DNAI4: variants seen among roughly 807,000 people sequenced by gnomAD.
DNAI4 encodes the protein dynein axonemal intermediate chain 4, also known as WD repeat domain 78.
In DNAI4, 85 loss-of-function variants were observed where a neutral mutation model predicts 105.8. The observed-to-expected ratio is 0.80, with a 90% CI of 0.67 to 0.96. DNAI4 has a LOEUF of 0.96. Ranked by LOEUF, DNAI4 falls within the 40% of genes least tolerant of loss-of-function variation. The pLI is 0.00. For synonymous variants in DNAI4, 352 were observed against 331.5 expected (o/e 1.06, Z -0.67); for missense variants, 1,014 against 1,005.6 (o/e 1.01, Z -0.11).
intron 11 of DNAI4, among the ~76,000 whole-genome samples, chr1:66,835,217 T>C (rs529963275): frequency 2.0e-5 from 3 of 151,658 alleles, no homozygotes; most frequent in African/African-American, 4.9e-5. Context: ...GATAGATAGA[T>C]AGATAGATAG....
intron 3 of DNAI4, among the ~76,000 whole-genome samples, 174 bp downstream of exon 3, chr1:66,893,055 G>GAAAA (rs1226481232): frequency 1.2e-5 from 1 of 80,772 alleles, no homozygotes; most frequent in Admixed American, 1.2e-4. Flanking sequence ...AAGAAAGAAA[G>GAAAA]AGAGAGAGAG....
Position 66,873,701 on chromosome 1 carries a change from TCTCTTTCAG to T in DNAI4, c.800+1071_800+1079del, listed in dbSNP as rs534589606. On this transcript the variant is annotated intron_variant, in intron 5 of 16. Transcript: ENST00000371026. ...AGAGTCTTGGCTTAACACAAGAATC[TCTCTTTCAG>T]CTCTTTCAGTGTAAGGGTTGGGAGA... Among the ~76,000 whole-genome samples, 11 of 152,294 alleles carry T rather than the reference TCTCTTTCAG, an allele frequency of 7.2e-5. No individual in the cohort carries two copies. The South Asian group carries it at 2.1e-3, about 29-fold the overall frequency.
intron 11 of DNAI4, among the ~76,000 whole-genome samples, chr1:66,835,425 A>G (rs922436174): frequency 3.3e-5 from 5 of 152,338 alleles, no homozygotes; most frequent in Admixed American, 1.3e-4. Context: ...CGTTAGTGAG[A>G]TGGGCAGAGA....
intron 1 of DNAI4, 45 bp downstream of exon 1, chr1:66,924,617 C>G (rs773337180): frequency 1.2e-5 from 20 of 1,613,480 alleles, no homozygotes; most frequent in Admixed American, 1.7e-5. Flanking sequence ...GGGCTCCCTC[C>G]GGGTCCCAGG....
chr1:66,891,418 G>T, intron 3 of DNAI4, 152 bp from the exon 4 acceptor site: 2 of 559,422 alleles, frequency 3.6e-6, no homozygotes, highest in Non-Finnish European at 3.1e-6. Context: ...TAATGAGTTG[G>T]TTTTTAATAT....
intron 7 of DNAI4, chr1:66,848,439 T>C (rs1557922445): frequency 2.8e-6 from 1 of 358,538 alleles, no homozygotes; most frequent in Non-Finnish European, 5.4e-6. Context: ...TTTGCCATGT[T>C]AGGTAACACA....
chr1:66,840,340 TA>T, intron 9 of DNAI4, 128 bp downstream of exon 9: 1 of 857,104 alleles, frequency 1.2e-6, no homozygotes, highest in Non-Finnish European at 1.8e-6. Flanking sequence ...AGGGGCATTC[TA>T]AAACTCAAAG....
rs1646863187 is a variant in DNAI4 at position 66,872,235 on chromosome 1, T to C, written c.801-726A>G. On this transcript the variant is annotated intron_variant, in intron 5 of 16. Transcript: ENST00000371026. ...TTTATTTATTATTTATTTATTTATT[T>C]ATTTATTTATTGAGACGGAGTCTTG... 2.0e-5 allele frequency among the ~76,000 whole-genome samples: 3 copies of C among 148,206 alleles called. No individual in the cohort carries two copies. The South Asian group carries it at 6.3e-4, about 31-fold the overall frequency.
At chr1:66,909,732 T>C (rs1209834462) in intron 1 of DNAI4, among the ~76,000 whole-genome samples, 2 of 152,052 alleles carry the variant, frequency 1.3e-5, no homozygotes, top group Non-Finnish European at 2.9e-5. Context: ...AAACTTAGCA[T>C]GTCCAAAACT....
intron 2 of DNAI4, among the ~76,000 whole-genome samples, chr1:66,894,630 T>A (rs1648158295): frequency 6.6e-6 from 1 of 152,182 alleles, no homozygotes; most frequent in South Asian, 2.1e-4. Flanking sequence ...GAATTAATTT[T>A]ATATATAGGA....
intron 4 of DNAI4, 108 bp from the exon 5 acceptor site, chr1:66,875,045 T>G (rs947666196): frequency 1.6e-5 from 18 of 1,100,460 alleles, no homozygotes; most frequent in Admixed American, 5.6e-5. Context: ...GCAGGTGGTT[T>G]ATATAGTCAA....
At chr1:66,854,056 T>C (rs928844514) in intron 7 of DNAI4, among the ~76,000 whole-genome samples, 3 of 152,204 alleles carry the variant, frequency 2.0e-5, no homozygotes, top group Non-Finnish European at 4.4e-5. Flanking sequence ...GAATCTACTG[T>C]ATTTCTAAAT....
Position 66,920,167 on chromosome 1 carries a change from G to C in DNAI4, c.170+4495C>G, listed in dbSNP as rs149991743. Among the ~76,000 whole-genome samples the C allele has an allele frequency of 9.5e-4, 144 of 152,280 alleles. 1 individual carries two copies. Among genetic ancestry groups the C allele is most frequent in the Admixed American group, 2.2e-3 (33 of 15,308 alleles). On this transcript the variant is annotated intron_variant, in intron 1 of 16. Transcript: ENST00000371026. ...CAGAAAGAGAAGCAGCTGGACGTTGGAAGTCAGAGAGAAGTGGCTTGACTT... is the reference window on the plus strand; with the variant it reads ...CAGAAAGAGAAGCAGCTGGACGTTGCAAGTCAGAGAGAAGTGGCTTGACTT...
At chr1:66,874,242 T>C (rs1475488584) in intron 5 of DNAI4, among the ~76,000 whole-genome samples, 1 of 152,072 alleles carries the variant, frequency 6.6e-6, no homozygotes, top group Non-Finnish European at 1.5e-5. Flanking sequence ...AACAACAGAC[T>C]GTCAAAATAC....
At chr1:66,861,140 A>G (rs1646617072) in intron 7 of DNAI4, among the ~76,000 whole-genome samples, 4 of 152,182 alleles carry the variant, frequency 2.6e-5, no homozygotes, top group Admixed American at 2.6e-4. Flanking sequence ...GTCAGTTATA[A>G]ATAAGGGAAT....
intron 7 of DNAI4, 88 bp from the exon 8 acceptor site, chr1:66,847,766 T>TA: frequency 1.8e-6 from 2 of 1,086,502 alleles, no homozygotes; most frequent in Non-Finnish European, 2.6e-6. Flanking sequence ...ATTTCATCAT[T>TA]TGTATTTATT....
In DNAI4 at chr1:66,862,237, C is replaced by T. The variant is rs139084294; in HGVS notation, c.1006G>A (p.Val336Ile). ...YNAMELVSLSVKQSVVESSSK... is the reference protein window; with the variant it reads ...YNAMELVSLSIKQSVVESSSK... ...CTTGACTCAACCACAGATTGTTTTACTGATAAAGATACAAGTTCCATAGCA... is the reference window on the plus strand; with the variant it reads ...CTTGACTCAACCACAGATTGTTTTATTGATAAAGATACAAGTTCCATAGCA... The change falls in exon 7 of 17, where the codon GTA becomes ATA. Residue 336 changes from valine to isoleucine, a missense_variant. Val to Ile is a conservative substitution (Grantham distance 29). Transcript: ENST00000371026. The T allele has an allele frequency of 4.3e-6, 7 of 1,611,060 alleles. No individual in the cohort carries two copies. The African/African-American group carries it at 5.3e-5, about 12-fold the overall frequency.
At chr1:66,850,998 T>TA (rs1646385089) in intron 7 of DNAI4, among the ~76,000 whole-genome samples, 1 of 151,842 alleles carries the variant, frequency 6.6e-6, no homozygotes, top group South Asian at 2.1e-4. Flanking sequence ...AACATGCGAA[T>TA]AAAAAATTAA....
intron 1 of DNAI4, among the ~76,000 whole-genome samples, chr1:66,922,762 A>G (rs1650587933): frequency 1.3e-5 from 2 of 152,206 alleles, no homozygotes; most frequent in African/African-American, 2.4e-5. Flanking sequence ...GGAATTTGCC[A>G]TTTACTAAAA....
Sources: gnomAD v4.1 joint callset for allele counts (sites outside exome capture counted in the v4.1 genomes callset) on GRCh38, gnomAD v4.1.1 for gene constraint, MANE v1.5 for transcripts, NCBI Gene and HGNC (gene_info 2026-07-23, HGNC 2026-07-21) for gene names.